PIGV: variants seen among roughly 807,000 people sequenced by gnomAD.
PIGV encodes the protein GPI alpha-1,6-mannosyltransferase 2.
Under a neutral mutation model 39.2 loss-of-function variants are expected in PIGV, and 27 were observed. That is an observed-to-expected ratio of 0.69 (90% confidence interval 0.51 to 0.95). The LOEUF (loss-of-function observed/expected upper bound fraction) is 0.95. Among genes scored for constraint, PIGV ranks in the 40% least tolerant of loss-of-function variants. The pLI is 0.00. For synonymous variants in PIGV, 232 were observed against 241.7 expected (o/e 0.96, Z 0.37); for missense variants, 523 against 586.4 (o/e 0.89, Z 1.12).
rs1424526632 is a variant in PIGV at position 26,797,586 on chromosome 1, C to T, written c.1224C>T (p.Ser408=). ...HVQVLTRFLG[S]STPIMYWFPA... The stretch of plus-strand genomic sequence containing the variant: ...AGGTTCTCACCAGGTTTTTGGGCTC[C>T]TCCACTCCTATTATGTACTGGTTTC... Residue 408 remains serine, a synonymous_variant, in exon 4 of 4, where the codon TCC becomes TCT. Transcript: ENST00000674202. The T allele has an allele frequency of 1.2e-6, 2 of 1,614,098 alleles. No individual in the cohort carries two copies. Among genetic ancestry groups the T allele is most frequent in the Admixed American group, 1.7e-5 (1 of 60,016 alleles).
rs1195044511 is a variant in PIGV at position 26,794,354 on chromosome 1, G to T, written c.320G>T (p.Gly107Val). The change falls in exon 3 of 4, where the codon GGG becomes GTG. Residue 107 changes from glycine to valine, a missense_variant. By Grantham distance (109) the Gly-to-Val change is moderately radical. Transcript: ENST00000674202. Reference protein sequence around the residue: ...VGTELLRPLRGLLSLRSCLLI... With the variant: ...VGTELLRPLRVLLSLRSCLLI... Reference sequence around the variant, plus strand: ...ACTGAACTGTTGAGACCCTTACGGGGGTTACTGAGTCTACGCAGTTGCCTG... The same window carrying T: ...ACTGAACTGTTGAGACCCTTACGGGTGTTACTGAGTCTACGCAGTTGCCTG... 1.4e-5 allele frequency: 23 copies of T among 1,614,200 alleles called. No individual in the cohort carries two copies. Among genetic ancestry groups the T allele is most frequent in the Non-Finnish European group, 1.9e-5 (23 of 1,180,026 alleles).
chr1:26,795,164 C>G lies in PIGV; in HGVS notation c.1130C>G (p.Pro377Arg). ...LEKPDLGFLSPQVFVYVVHAA... is the reference protein window; with the variant it reads ...LEKPDLGFLSRQVFVYVVHAA... ...AAGCCCGATCTTGGATTCCTCAGTC[C>G]TCAGGTGTTTGTGTACGTGGTCCAC... The change falls in exon 3 of 4, where the codon CCT (proline) becomes CGT (arginine). Residue 377 changes from proline to arginine, a missense_variant. Transcript: ENST00000674202. The G allele has an allele frequency of 6.2e-7, 1 of 1,614,028 alleles. No individual in the cohort carries two copies. Among genetic ancestry groups the G allele is most frequent in the Non-Finnish European group, 8.5e-7 (1 of 1,180,014 alleles).
intron 2 of PIGV, 91 bp from the exon 3 acceptor site, chr1:26,794,022 C>A: frequency 8.0e-7 from 1 of 1,249,222 alleles, no homozygotes; most frequent in Non-Finnish European, 1.2e-6. Context: ...GGATTACAGG[C>A]ATGAGCCTGG....
intron 3 of PIGV, among the ~76,000 whole-genome samples, chr1:26,797,028 A>G (rs1046086356): frequency 2.6e-5 from 4 of 152,248 alleles, no homozygotes; most frequent in Non-Finnish European, 4.4e-5. Flanking sequence ...GGAAATAGAA[A>G]GTAGCATTCC....
upstream of PIGV, chr1:26,787,723 G>A (rs1388907979): frequency 6.6e-6 from 1 of 152,516 alleles, no homozygotes; most frequent in Admixed American, 6.5e-5. Context: ...TGAGACAGCA[G>A]CCTCCGCTCA....
Position 26,795,115 on chromosome 1 carries a change from A to G in PIGV, c.1081A>G (p.Ser361Gly). 6.2e-7 allele frequency: 1 copy of G among 1,614,146 alleles called. No individual in the cohort carries two copies. Among genetic ancestry groups the G allele is most frequent in the Non-Finnish European group, 8.5e-7 (1 of 1,179,998 alleles). ...CTGCCTTACACTTGGGCTGCAAAGG[A>G]GCAAGAACAATAAGACCCTAGAGAA... Reference protein sequence around the residue: ...WLCLTLGLQRSKNNKTLEKPD... With the variant: ...WLCLTLGLQRGKNNKTLEKPD... Residue 361 changes from serine to glycine, a missense_variant, in exon 3 of 4, where the codon AGC (serine) becomes GGC (glycine). Ser to Gly is a moderately conservative substitution (Grantham distance 56, BLOSUM62 0). Transcript: ENST00000674202.
intron 1 of PIGV, among the ~76,000 whole-genome samples, chr1:26,790,501 A>G (rs190692582): frequency 8.2e-4 from 125 of 152,326 alleles, no homozygotes; most frequent in Non-Finnish European, 1.4e-3. Context: ...AGTGCATCCA[A>G]TAGGCTTTAA....
upstream of PIGV, chr1:26,787,390 G>A (rs1205443690): frequency 6.6e-6 from 1 of 152,242 alleles, no homozygotes; most frequent in Non-Finnish European, 1.5e-5. Flanking sequence ...AGCCACCTGA[G>A]GTGGGGCTGA....
At position 26,798,487 on chromosome 1, in the gene PIGV, G is replaced by A. The variant is rs1317843227; in HGVS notation, c.*643G>A. ...GCACTTTGTGATGCCGAGGTGGGCA[G>A]ATCACTTGAGGCCAGGAGTTTGAGA... On this transcript the variant is annotated 3_prime_UTR_variant, in exon 4 of 4. Coordinates refer to ENST00000674202, the MANE Select transcript of PIGV (RefSeq NM_017837.4). 1.3e-5 allele frequency: 2 copies of A among 153,490 alleles called. No individual in the cohort carries two copies. Among genetic ancestry groups the A allele is most frequent in the African/African-American group, 2.4e-5 (1 of 41,466 alleles). The allele number at this position is 153,490 out of a possible 1,614,324, so 9.5% of individuals were successfully genotyped here. A position where few individuals can be genotyped will look rare whatever the true frequency, so the allele number is the denominator to read the frequency against.
Position 26,794,606 on chromosome 1 carries a change from C to G in PIGV, c.572C>G (p.Thr191Ser), listed in dbSNP as rs773156094. The change falls in exon 3 of 4, where the codon ACT (threonine) becomes AGT (serine). Residue 191 changes from threonine (T) to serine (S), a missense_variant. Transcript: ENST00000674202. ...CAGCTGGAGAGGGGCCGAGTCTGGA[C>G]TAGTGTACTCCTCTTTGCCTTTGCC... ...MGQLERGRVW[T>S]SVLLFAFATG... 1.5e-5 allele frequency: 25 copies of G among 1,614,240 alleles called. No individual in the cohort carries two copies. The East Asian group carries it at 5.3e-4, about 35-fold the overall frequency.
Position 26,794,968 on chromosome 1 carries a change from T to A in PIGV, c.934T>A (p.Trp312Arg). The change falls in exon 3 of 4, where the codon TGG (tryptophan) becomes AGG (arginine). Residue 312 changes from tryptophan to arginine, a missense_variant. Physicochemically the swap from Trp to Arg is moderately radical, Grantham distance 101. Transcript: ENST00000674202. ...LIYSYIQDVYWNVGFLKYYEL... is the reference protein window; with the variant it reads ...LIYSYIQDVYRNVGFLKYYEL... ...ATACAGCTATATCCAGGATGTCTACTGGAATGTTGGCTTTTTGAAATACTA... is the reference window on the plus strand; with the variant it reads ...ATACAGCTATATCCAGGATGTCTACAGGAATGTTGGCTTTTTGAAATACTA... The A allele has an allele frequency of 6.2e-7, 1 of 1,614,220 alleles. No individual in the cohort carries two copies. Among genetic ancestry groups the A allele is most frequent in the African/African-American group, 1.3e-5 (1 of 75,056 alleles).
Position 26,794,694 on chromosome 1 carries a change from C to A in PIGV, c.660C>A (p.Gly220=). The A allele has an allele frequency of 1.9e-6, 3 of 1,614,224 alleles. No homozygotes were observed. The highest frequency in any genetic ancestry group is 1.1e-5 in the South Asian group (1 of 91,074). The change falls in exon 3 of 4, where the codon GGC becomes GGA. Residue 220 remains glycine, a synonymous_variant. Transcript: ENST00000674202. The part of the protein sequence containing the change: ...VGFLMHSQCQ[G]FFSSLTMLNP... ...TCCTCATGCATTCTCAATGCCAAGG[C>A]TTTTTCTCTTCTCTAACGATGCTGA... is the stretch of plus-strand genomic sequence containing the variant.
chr1:26,794,023 A>G, intron 2 of PIGV, 90 bp from the exon 3 acceptor site: 4 of 1,284,970 alleles, frequency 3.1e-6, no homozygotes, highest in East Asian at 2.3e-5. Flanking sequence ...GATTACAGGC[A>G]TGAGCCTGGC....
At chr1:26,790,659 A>C in intron 1 of PIGV, 100 bp from the exon 2 acceptor site, 1 of 655,224 alleles carries the variant, frequency 1.5e-6, no homozygotes, top group South Asian at 1.7e-5. Flanking sequence ...TGGTTGGTTA[A>C]GTTTGTCATA....
chr1:26,797,433 T>C, intron 3 of PIGV, 130 bp from the exon 4 acceptor site: 1 of 787,000 alleles, frequency 1.3e-6, no homozygotes, highest in South Asian at 1.4e-5. Flanking sequence ...TTCAATTTCT[T>C]TTCCAGTGTA....
chr1:26,795,014 A>G lies in PIGV; in HGVS notation c.980A>G (p.Asn327Ser), dbSNP rs142884955. Reference sequence around the variant, plus strand: ...TACTATGAGCTCAAGCAGGTGCCCAATTTTCTACTGGCTGCACCAGTGGCT... The same window carrying G: ...TACTATGAGCTCAAGCAGGTGCCCAGTTTTCTACTGGCTGCACCAGTGGCT... ...LKYYELKQVPNFLLAAPVAIL... is the reference protein window; with the variant it reads ...LKYYELKQVPSFLLAAPVAIL... Residue 327 changes from asparagine to serine, a missense_variant, in exon 3 of 4, where the codon AAT (asparagine) becomes AGT (serine). Asn to Ser is a conservative substitution (Grantham distance 46, BLOSUM62 1). Transcript: ENST00000674202. 1.1e-4 allele frequency: 185 copies of G among 1,614,122 alleles called. No individual in the cohort carries two copies. The highest frequency in any genetic ancestry group is 1.4e-4 in the Non-Finnish European group (165 of 1,180,018).
chr1:26,794,614 C>T lies in PIGV; in HGVS notation c.580C>T (p.Leu194Phe), dbSNP rs979756603. The change falls in exon 3 of 4, where the codon CTC becomes TTC. Residue 194 changes from leucine (L) to phenylalanine (F), a missense_variant. Transcript: ENST00000674202. ...GAGGGGCCGAGTCTGGACTAGTGTA[C>T]TCCTCTTTGCCTTTGCCACTGGGGT... ...LERGRVWTSV[L>F]LFAFATGVRS... The T allele has an allele frequency of 4.4e-5, 71 of 1,614,138 alleles. No individual in the cohort carries two copies. The highest frequency in any genetic ancestry group is 5.7e-5 in the Non-Finnish European group (67 of 1,180,052).
upstream of PIGV, chr1:26,787,707 T>C (rs1281289546): frequency 6.6e-6 from 1 of 152,360 alleles, no homozygotes; most frequent in East Asian, 1.9e-4. Flanking sequence ...GCAAGAGCAC[T>C]GACTCTGAGA....
rs758104099 is a variant in PIGV, at chr1:26,794,937, A to G, written c.903A>G (p.Pro301=). 3 of 1,614,162 alleles carry G rather than the reference A, an allele frequency of 1.9e-6. No individual in the cohort carries two copies. The South Asian group carries it at 3.3e-5, about 18-fold the overall frequency. Residue 301 remains proline (P), a synonymous_variant, in exon 3 of 4, where the codon CCA becomes CCG. Transcript: ENST00000674202. The part of the protein sequence containing the change: ...NEPPWCFWDV[P]LIYSYIQDVY... ...CGCCTTGGTGCTTCTGGGATGTTCC[A>G]CTAATATACAGCTATATCCAGGATG...
Sources: allele counts gnomAD v4.1 joint callset (sites outside exome capture counted in the v4.1 genomes callset), GRCh38; gene constraint gnomAD v4.1.1; transcripts MANE v1.5; gene names NCBI Gene and HGNC (gene_info 2026-07-23, HGNC 2026-07-21).